RBFOX3: variants seen among roughly 807,000 people sequenced by gnomAD.
The protein encoded by RBFOX3 is RNA binding protein fox-1 homolog 3.
In RBFOX3, 17 loss-of-function variants were observed where a neutral mutation model predicts 48.7. The observed-to-expected ratio is 0.35, with a 90% CI of 0.24 to 0.52. The LOEUF (loss-of-function observed/expected upper bound fraction) is 0.52, where lower values mean the gene tolerates loss of function less well. RBFOX3 is among the 20% of genes least tolerant of loss of function. The pLI, the probability that RBFOX3 is intolerant of heterozygous loss-of-function variation, is 0.94. For missense variants in RBFOX3, 382 were observed against 497.5 expected (o/e 0.77, Z 2.21); for synonymous variants, 212 against 209.5 (o/e 1.01, Z -0.10).
chr17:79,327,682 A>C (rs1214845513), intron 2 of RBFOX3, among the ~76,000 whole-genome samples: 1 of 152,200 alleles, frequency 6.6e-6, no homozygotes, highest in Non-Finnish European at 1.5e-5. Context: ...CAAGCCTGCT[A>C]TAGTCATCCA....
rs560956916 is a variant in RBFOX3, at chr17:79,276,044, C to T, written c.-74+31680G>A. On this transcript the variant is annotated intron_variant, in intron 3 of 14. Transcript: ENST00000693108. ...ACAATGGAATTGTGCTCGGCCATAACAAGGAGGGCATTTCTGACACATGCT... is the reference window on the plus strand; with the variant it reads ...ACAATGGAATTGTGCTCGGCCATAATAAGGAGGGCATTTCTGACACATGCT... 3.3e-5 allele frequency among the ~76,000 whole-genome samples: 5 copies of T among 152,316 alleles called. No homozygotes were observed. The East Asian group carries it at 7.7e-4, about 23-fold the overall frequency.
intron 1 of RBFOX3, among the ~76,000 whole-genome samples, chr17:79,503,747 G>T (rs1454264838): frequency 6.6e-6 from 1 of 152,192 alleles, no homozygotes; most frequent in South Asian, 2.1e-4. Flanking sequence ...AAGAGAAGCC[G>T]GTTCCCAGGA....
At chr17:79,601,201 CTT>C (rs1228153241) in intron 1 of RBFOX3, 60 of 152,394 alleles carry the variant, frequency 3.9e-4, no homozygotes, top group African/African-American at 1.3e-3. Context: ...CTCAGGGAGT[CTT>C]GGCATTCCCT....
intron 4 of RBFOX3, among the ~76,000 whole-genome samples, chr17:79,139,679 T>G (rs929304767): frequency 2.0e-5 from 3 of 152,140 alleles, no homozygotes; most frequent in African/African-American, 7.2e-5. Flanking sequence ...GGGACAATTC[T>G]TTCCTACCAG....
At chr17:79,575,282 G>T (rs2092820914) in intron 1 of RBFOX3, among the ~76,000 whole-genome samples, 1 of 152,204 alleles carries the variant, frequency 6.6e-6, no homozygotes, top group Non-Finnish European at 1.5e-5. Context: ...AGGGAAATGG[G>T]GGCTCTTGAG....
At chr17:79,320,208 G>A (rs2051012917) in intron 2 of RBFOX3, among the ~76,000 whole-genome samples, 1 of 152,178 alleles carries the variant, frequency 6.6e-6, no homozygotes, top group Non-Finnish European at 1.5e-5. Flanking sequence ...CACTGCTGGT[G>A]TGTCTCCTGG....
At chr17:79,411,613 C>T (rs1337714769) in intron 2 of RBFOX3, among the ~76,000 whole-genome samples, 2 of 152,222 alleles carry the variant, frequency 1.3e-5, no homozygotes, top group Non-Finnish European at 2.9e-5. Context: ...GACTTCGGTC[C>T]CCACGCCCCC....
intron 3 of RBFOX3, among the ~76,000 whole-genome samples, chr17:79,239,719 GGTCCTGGTGTCC>G (rs2062094539): frequency 2.0e-5 from 3 of 152,270 alleles, no homozygotes; most frequent in Non-Finnish European, 4.4e-5. Context: ...ATATCTTAGA[GGTCCTGGTGTCC>G]CCAGACACTG....
At chr17:79,142,887 C>T (rs1166032849) in intron 4 of RBFOX3, among the ~76,000 whole-genome samples, 1 of 152,106 alleles carries the variant, frequency 6.6e-6, no homozygotes, top group Non-Finnish European at 1.5e-5. Flanking sequence ...GAGTAATGCC[C>T]CCCATAACCC....
chr17:79,463,833 C>A (rs1338583329), intron 2 of RBFOX3, among the ~76,000 whole-genome samples: 4 of 151,312 alleles, frequency 2.6e-5, no homozygotes, highest in Non-Finnish European at 4.4e-5. Context: ...ATCACCACTG[C>A]CACCACCACC....
intron 2 of RBFOX3, among the ~76,000 whole-genome samples, chr17:79,462,932 C>A (rs1179309978): frequency 1.3e-5 from 2 of 152,134 alleles, no homozygotes; most frequent in African/African-American, 4.8e-5. Flanking sequence ...GCAAGAGAAG[C>A]CTCTTTGAGC....
intron 2 of RBFOX3, among the ~76,000 whole-genome samples, chr17:79,405,436 AC>A (rs2063419446): frequency 6.6e-6 from 1 of 151,990 alleles, no homozygotes; most frequent in Non-Finnish European, 1.5e-5. Flanking sequence ...GTAAAAATTG[AC>A]ATACAATGAA....
intron 1 of RBFOX3, among the ~76,000 whole-genome samples, chr17:79,552,603 C>G (rs2091260434): frequency 6.6e-6 from 1 of 152,116 alleles, no homozygotes; most frequent in Non-Finnish European, 1.5e-5. Flanking sequence ...GCGCTCAAGT[C>G]AGCAAATATT....
At chr17:79,389,612 T>C (rs2061069760) in intron 2 of RBFOX3, among the ~76,000 whole-genome samples, 1 of 152,152 alleles carries the variant, frequency 6.6e-6, no homozygotes, top group Admixed American at 6.5e-5. Flanking sequence ...AGGGCAGCCT[T>C]ACCGACACAT....
chr17:79,585,188 C>T (rs2093207910), intron 1 of RBFOX3, among the ~76,000 whole-genome samples: 1 of 152,184 alleles, frequency 6.6e-6, no homozygotes, highest in Non-Finnish European at 1.5e-5. Flanking sequence ...GAAATCACCA[C>T]TAAAAAGCTT....
chr17:79,586,036 T>C (rs1350681100), intron 1 of RBFOX3, among the ~76,000 whole-genome samples: 1 of 152,174 alleles, frequency 6.6e-6, no homozygotes, highest in Non-Finnish European at 1.5e-5. Flanking sequence ...GCCCCTGGTG[T>C]GGACTGAGTG....
intron 2 of RBFOX3, among the ~76,000 whole-genome samples, chr17:79,388,499 AC>A (rs1454831744): frequency 6.6e-6 from 1 of 152,170 alleles, no homozygotes; most frequent in Admixed American, 6.5e-5. Context: ...CATGCGCCTT[AC>A]TTAGTCACCA....
intron 1 of RBFOX3, among the ~76,000 whole-genome samples, chr17:79,524,545 G>A (rs958153574): frequency 6.6e-6 from 1 of 152,168 alleles, no homozygotes; most frequent in East Asian, 1.9e-4. Context: ...CCTCCTAGGA[G>A]GCCAACCTCA....
chr17:79,537,017 G>A (rs1283479664), intron 1 of RBFOX3, among the ~76,000 whole-genome samples: 4 of 151,798 alleles, frequency 2.6e-5, no homozygotes, highest in African/African-American at 7.3e-5. Context: ...CCCAGGAGTC[G>A]GAGGTTGCAA....
Sources: gnomAD v4.1 joint callset for allele counts (sites outside exome capture counted in the v4.1 genomes callset) on GRCh38, gnomAD v4.1.1 for gene constraint, MANE v1.5 for transcripts, NCBI Gene and HGNC (gene_info 2026-07-23, HGNC 2026-07-21) for gene names.